The following GPC5 variants were observed in gnomAD, a reference collection of about 807,000 sequenced individuals.
GPC5 encodes the protein glypican-5.
Under a neutral mutation model 53.9 loss-of-function variants are expected in GPC5, and 47 were observed. The ratio of observed to expected loss-of-function variants is 0.87; its 90% confidence interval spans 0.69 to 1.11. The LOEUF is 1.11. Ranked by LOEUF, GPC5 falls within the 50% of genes most tolerant of loss-of-function variation. The pLI is 0.00. For synonymous variants in GPC5, 286 were observed against 263.3 expected (o/e 1.09, Z -0.84); for missense variants, 748 against 713.1 (o/e 1.05, Z -0.56).
intron 7 of GPC5, among the ~76,000 whole-genome samples, chr13:92,270,346 C>A (rs1360567351): frequency 6.6e-6 from 1 of 152,144 alleles, no homozygotes; most frequent in Non-Finnish European, 1.5e-5. Context: ...CCCCTCCATG[C>A]CGCTCTTGTG....
intron 6 of GPC5, among the ~76,000 whole-genome samples, chr13:91,947,541 CCAAT>C (rs2039984844): frequency 6.6e-6 from 1 of 152,146 alleles, no homozygotes; most frequent in African/African-American, 2.4e-5. Flanking sequence ...AGAAGAAACA[CCAAT>C]CAAAGAAGCA....
At chr13:91,601,753 G>A (rs1333679824) in intron 2 of GPC5, among the ~76,000 whole-genome samples, 1 of 152,062 alleles carries the variant, frequency 6.6e-6, no homozygotes, top group African/African-American at 2.4e-5. Context: ...CAAGCTCAGG[G>A]CTCCCACTGA....
At chr13:91,565,485 A>G (rs899659560) in intron 2 of GPC5, among the ~76,000 whole-genome samples, 1 of 152,220 alleles carries the variant, frequency 6.6e-6, no homozygotes, top group African/African-American at 2.4e-5. Flanking sequence ...GCCCAGAACA[A>G]AAGGCAGTAA....
chr13:92,422,149 G>C (rs1441675885), intron 7 of GPC5, among the ~76,000 whole-genome samples: 1 of 151,400 alleles, frequency 6.6e-6, no homozygotes, highest in African/African-American at 2.4e-5. Flanking sequence ...TTCAAGCCCT[G>C]CTTCCATTCC....
At chr13:92,423,571 A>G (rs988901537) in intron 7 of GPC5, among the ~76,000 whole-genome samples, 5 of 152,208 alleles carry the variant, frequency 3.3e-5, no homozygotes, top group South Asian at 2.1e-4. Context: ...CCACCAAAGC[A>G]TAGAAAAGGA....
At chr13:91,789,398 C>T (rs1249722074) in intron 5 of GPC5, among the ~76,000 whole-genome samples, 3 of 152,132 alleles carry the variant, frequency 2.0e-5, no homozygotes, top group Admixed American at 2.0e-4. Context: ...TATGGCTGCT[C>T]AATAGCTCTG....
chr13:91,867,371 A>G (rs2039096844), intron 5 of GPC5, among the ~76,000 whole-genome samples: 1 of 152,216 alleles, frequency 6.6e-6, no homozygotes, highest in Non-Finnish European at 1.5e-5. Flanking sequence ...CCTTTTGCAG[A>G]AAAGAGAGTA....
chr13:91,797,538 G>A (rs1224181833), intron 5 of GPC5, among the ~76,000 whole-genome samples: 3 of 152,070 alleles, frequency 2.0e-5, no homozygotes, highest in Non-Finnish European at 4.4e-5. Flanking sequence ...AACTGAGACA[G>A]ATAACATTGA....
chr13:91,798,320 T>C (rs2138767532), intron 5 of GPC5, among the ~76,000 whole-genome samples: 1 of 152,262 alleles, frequency 6.6e-6, no homozygotes, highest in East Asian at 1.9e-4. Flanking sequence ...TAGCTAGCTA[T>C]TCTTCTTGAT....
chr13:91,629,333 A>G (rs1171460945), intron 2 of GPC5, among the ~76,000 whole-genome samples: 2 of 152,156 alleles, frequency 1.3e-5, no homozygotes, highest in African/African-American at 4.8e-5. Flanking sequence ...AATGCATAGA[A>G]AGAATTATTT....
In GPC5 at chr13:91,800,567, C is replaced by T. The variant is rs559777126; in HGVS notation, c.1280+44147C>T. 1.6e-4 allele frequency among the ~76,000 whole-genome samples: 24 copies of T among 152,176 alleles called. 1 individual carries two copies. The South Asian group carries it at 4.8e-3, about 30-fold the overall frequency. On this transcript the variant is annotated intron_variant, in intron 5 of 7. Coordinates refer to ENST00000377067, the MANE Select transcript of GPC5 (RefSeq NM_004466.6). ...CCTCTTATAATATCTTCACTGTTTA[C>T]GTTTTCAATCCTCTAATCATGAGTG...
Position 91,783,068 on chromosome 13 carries a change from C to T in GPC5, c.1280+26648C>T, listed in dbSNP as rs535819876. ...AAGAGTTCGAGACCACCCTGGCCAA[C>T]ATGGTGAAACCCCATCTCTACTAAA... On this transcript the variant is annotated intron_variant, in intron 5 of 7. Coordinates refer to ENST00000377067, the MANE Select transcript of GPC5 (RefSeq NM_004466.6). Among the ~76,000 whole-genome samples the T allele has an allele frequency of 6.6e-5, 10 of 152,034 alleles. No homozygotes were observed. The South Asian group carries it at 1.2e-3, about 19-fold the overall frequency.
At chr13:92,805,037 A>C (rs1877041303) in intron 7 of GPC5, among the ~76,000 whole-genome samples, 2 of 152,012 alleles carry the variant, frequency 1.3e-5, no homozygotes, top group South Asian at 4.1e-4. Context: ...TATTTTGACC[A>C]CATCTGTGGT....
chr13:92,225,360 T>A (rs1360176342), intron 7 of GPC5, among the ~76,000 whole-genome samples: 1 of 152,240 alleles, frequency 6.6e-6, no homozygotes, highest in Non-Finnish European at 1.5e-5. Flanking sequence ...GGTTTCTGAA[T>A]GGCTTATGCC....
intron 5 of GPC5, among the ~76,000 whole-genome samples, chr13:91,834,612 C>A (rs1191950994): frequency 2.0e-5 from 3 of 152,128 alleles, no homozygotes; most frequent in African/African-American, 7.2e-5. Flanking sequence ...ACCATCTGAT[C>A]TTTGACAAAA....
chr13:92,751,091 A>C (rs1889376232), intron 7 of GPC5, among the ~76,000 whole-genome samples: 1 of 152,028 alleles, frequency 6.6e-6, no homozygotes, highest in Non-Finnish European at 1.5e-5. Flanking sequence ...TGATATATAT[A>C]AACCTTTTTA....
At chr13:91,757,929 C>T (rs2138644771) in intron 5 of GPC5, among the ~76,000 whole-genome samples, 1 of 152,014 alleles carries the variant, frequency 6.6e-6, no homozygotes, top group Non-Finnish European at 1.5e-5. Flanking sequence ...ATAACTAAGC[C>T]ACTTATATAT....
At chr13:92,074,321 A>G (rs2041236079) in intron 6 of GPC5, among the ~76,000 whole-genome samples, 1 of 152,192 alleles carries the variant, frequency 6.6e-6, no homozygotes, top group Non-Finnish European at 1.5e-5. Context: ...TAAAAATGTC[A>G]AGGCAGGATA....
chr13:91,847,514 A>G (rs998321847), intron 5 of GPC5, among the ~76,000 whole-genome samples: 1 of 152,110 alleles, frequency 6.6e-6, no homozygotes, highest in East Asian at 1.9e-4. Context: ...TGAGTGTTAC[A>G]TTTCTGGTTT....
Sources: allele counts gnomAD v4.1 joint callset (sites outside exome capture counted in the v4.1 genomes callset), GRCh38; gene constraint gnomAD v4.1.1; transcripts MANE v1.5; gene names NCBI Gene and HGNC (gene_info 2026-07-23, HGNC 2026-07-21).